Variants in CMIP observed in about 807,000 individuals in gnomAD.
The protein encoded by CMIP is C-Maf-inducing protein.
A neutral mutation model predicts 97.3 loss-of-function variants in CMIP; 13 were observed. The ratio of observed to expected loss-of-function variants is 0.13; its 90% CI spans 0.09 to 0.21. CMIP has a LOEUF of 0.21. Ranked by LOEUF, CMIP falls within the 10% of genes least tolerant of loss-of-function variation. The pLI is 1.00. For synonymous variants in CMIP, 538 were observed against 436.3 expected, an observed-to-expected ratio of 1.23 and a Z score of -2.91; for missense variants, 847 against 1,024.9, an observed-to-expected ratio of 0.83 and a Z score of 2.37.
intron 1 of CMIP, among the ~76,000 whole-genome samples, chr16:81,482,796 G>A (rs766401976): frequency 6.6e-6 from 1 of 152,250 alleles, no homozygotes; most frequent in African/African-American, 2.4e-5. Context: ...CACATCCTAA[G>A]CTGAGCCCGT....
chr16:81,662,822 G>C (rs2092562089), intron 6 of CMIP, among the ~76,000 whole-genome samples: 1 of 152,206 alleles, frequency 6.6e-6, no homozygotes, highest in Admixed American at 6.5e-5. Context: ...TGGGTCTGCA[G>C]ACTGCCACCC....
intron 3 of CMIP, among the ~76,000 whole-genome samples, chr16:81,628,209 G>C (rs1311225411): frequency 6.6e-6 from 1 of 152,112 alleles, no homozygotes; most frequent in East Asian, 1.9e-4. Context: ...CACCTCCCCT[G>C]GGTCGCCTCC....
At chr16:81,603,357 C>T in intron 1 of CMIP, 1 of 454,070 alleles carries the variant, frequency 2.2e-6, no homozygotes, top group Non-Finnish European at 4.4e-6. Flanking sequence ...GCTGGGATTA[C>T]AGGCGTGAGC....
chr16:81,470,272 C>T (rs12596548), intron 1 of CMIP, among the ~76,000 whole-genome samples: 37,802 of 152,174 alleles, frequency 0.25, 5,628 homozygotes, highest in Admixed American at 0.4. Flanking sequence ...AGAGCCCCAG[C>T]GGTTCAAGAG....
intron 3 of CMIP, among the ~76,000 whole-genome samples, chr16:81,645,008 G>C (rs368458710): frequency 2.0e-5 from 3 of 152,222 alleles, no homozygotes; most frequent in African/African-American, 4.8e-5. Context: ...AGCACTGCCC[G>C]ACGGAGCATT....
intron 1 of CMIP, among the ~76,000 whole-genome samples, chr16:81,579,399 A>C (rs976494091): frequency 2.6e-5 from 4 of 152,152 alleles, no homozygotes; most frequent in Non-Finnish European, 4.4e-5. Flanking sequence ...TCTGTGCCCC[A>C]AAACAGCCCT....
intron 10 of CMIP, among the ~76,000 whole-genome samples, chr16:81,681,433 C>T (rs1904864387): frequency 6.6e-6 from 1 of 152,188 alleles, no homozygotes; most frequent in South Asian, 2.1e-4. Context: ...TGACCTTGGA[C>T]GGTTGGTCAT....
chr16:81,687,523 G>T (rs912043042), intron 10 of CMIP, among the ~76,000 whole-genome samples: 1 of 152,206 alleles, frequency 6.6e-6, no homozygotes, highest in African/African-American at 2.4e-5. Context: ...CACAGTGCAG[G>T]TGCTGGGGCC....
At chr16:81,598,309 C>T (rs776059894) in intron 1 of CMIP, among the ~76,000 whole-genome samples, 1 of 152,124 alleles carries the variant, frequency 6.6e-6, no homozygotes, top group East Asian at 1.9e-4. Context: ...AACAGGGCGG[C>T]GCCTGGCCAC....
At chr16:81,500,854 C>T (rs868414468) in intron 1 of CMIP, among the ~76,000 whole-genome samples, 9 of 152,120 alleles carry the variant, frequency 5.9e-5, no homozygotes, top group Admixed American at 1.3e-4. Flanking sequence ...TTCTTTCTTT[C>T]CTTCCTTCTT....
chr16:81,578,719 A>G (rs549190845), intron 1 of CMIP, among the ~76,000 whole-genome samples: 1 of 152,016 alleles, frequency 6.6e-6, no homozygotes, highest in East Asian at 1.9e-4. Flanking sequence ...AAGACTGTGC[A>G]TACATCCTCT....
In CMIP at chr16:81,626,807, GTGT is replaced by G. The variant is rs1482566356; in HGVS notation, c.477+5882_477+5884del. On this transcript the variant is annotated intron_variant, in intron 3 of 20. Coordinates refer to ENST00000537098, the MANE Select transcript of CMIP (RefSeq NM_198390.3). Reference sequence around the variant, plus strand: ...AGAGAGAGTGTGTGTGTGTGTGTGTGTGTGTGTGTGGGGTGCATATGGGGTGAC... The same window carrying G: ...AGAGAGAGTGTGTGTGTGTGTGTGTGGTGTGTGGGGTGCATATGGGGTGAC... 3.7e-3 allele frequency among the ~76,000 whole-genome samples: 482 copies of G among 131,260 alleles called. 12 individuals are homozygous for G. The highest frequency in any genetic ancestry group is 5.9e-3 in the Non-Finnish European group (349 of 59,326). The allele number at this position is 131,260 out of a possible 152,430, so 86.1% of individuals were successfully genotyped here. A position where few individuals can be genotyped will look rare whatever the true frequency, so the allele number is the denominator to read the frequency against.
chr16:81,523,870 G>A (rs1249872214), intron 1 of CMIP, among the ~76,000 whole-genome samples: 2 of 152,182 alleles, frequency 1.3e-5, no homozygotes, highest in Admixed American at 1.3e-4. Context: ...TCATCCCTTG[G>A]CTCCCTCCAA....
At chr16:81,690,345 T>G (rs1205657741) in intron 10 of CMIP, among the ~76,000 whole-genome samples, 1 of 152,236 alleles carries the variant, frequency 6.6e-6, no homozygotes. Context: ...CAGTGGTTTG[T>G]AGTTCTCCTT....
At chr16:81,611,872 C>A (rs1300550597) in intron 2 of CMIP, among the ~76,000 whole-genome samples, 1 of 152,242 alleles carries the variant, frequency 6.6e-6, no homozygotes, top group Non-Finnish European at 1.5e-5. Flanking sequence ...TGCCCCTCAT[C>A]CCCAGCTCAG....
At chr16:81,615,111 T>C (rs967551261) in intron 2 of CMIP, among the ~76,000 whole-genome samples, 12 of 151,044 alleles carry the variant, frequency 7.9e-5, no homozygotes, top group Non-Finnish European at 1.8e-4. Flanking sequence ...GTGTATGGTA[T>C]GTGTCTGTGG....
intron 1 of CMIP, among the ~76,000 whole-genome samples, chr16:81,470,471 T>C (rs1907455821): frequency 6.6e-6 from 1 of 152,224 alleles, no homozygotes; most frequent in South Asian, 2.1e-4. Context: ...TCAAAACAGC[T>C]TTCTTTTCCC....
At chr16:81,454,041 T>C (rs76378935) in intron 1 of CMIP, among the ~76,000 whole-genome samples, 27,903 of 152,106 alleles carry the variant, frequency 0.18, 2,773 homozygotes, top group Non-Finnish European at 0.23. Context: ...CAGAGCTGCT[T>C]CCCTAGAAAG....
chr16:81,696,444 G>T, intron 13 of CMIP, 116 bp from the exon 14 acceptor site: 4 of 980,080 alleles, frequency 4.1e-6, no homozygotes, highest in South Asian at 2.9e-5. Flanking sequence ...AAAGTTAAGC[G>T]GGTTTCTTGA....
Sources: gnomAD v4.1 joint callset for allele counts (sites outside exome capture counted in the v4.1 genomes callset) on GRCh38, gnomAD v4.1.1 for gene constraint, MANE v1.5 for transcripts, NCBI Gene and HGNC (gene_info 2026-07-23, HGNC 2026-07-21) for gene names.